The following LINGO2 variants were observed in gnomAD, a reference collection of about 807,000 sequenced individuals.
The protein encoded by LINGO2 is leucine-rich repeat and immunoglobulin-like domain-containing nogo receptor-interacting protein 2.
A neutral mutation model predicts 30.6 loss-of-function variants in LINGO2; 14 were observed. The ratio of observed to expected loss-of-function variants is 0.46; its 90% CI spans 0.30 to 0.72. The LOEUF (loss-of-function observed/expected upper bound fraction) is 0.72. Ranked by LOEUF, LINGO2 falls within the 30% of genes least tolerant of loss-of-function variation. The probability of loss-of-function intolerance (pLI) is 0.07; values close to 1 mark genes in which losing one functional copy is unlikely to be tolerated. For missense variants in LINGO2, 729 were observed against 751.7 expected, an observed-to-expected ratio of 0.97 and a Z score of 0.35; for synonymous variants, 317 against 288.5, an observed-to-expected ratio of 1.10 and a Z score of -1.00.
chr9:28,682,900 A>T, the LINGO2 span, among the ~76,000 whole-genome samples: 4 of 152,132 alleles, frequency 2.6e-5, no homozygotes, highest in African/African-American at 9.6e-5. Flanking sequence ...AAAACACAGG[A>T]ATTGAAAAGA....
At chr9:29,040,803 A>G in the LINGO2 span, among the ~76,000 whole-genome samples, 1 of 152,006 alleles carries the variant, frequency 6.6e-6, no homozygotes, top group African/African-American at 2.4e-5. Context: ...TTAATTTTCA[A>G]TTAGTTTATA....
chr9:28,154,526 G>T (rs1008254009), intron 4 of LINGO2, among the ~76,000 whole-genome samples: 10 of 152,104 alleles, frequency 6.6e-5, no homozygotes, highest in African/African-American at 1.9e-4. Context: ...TCCTGTAATG[G>T]AGGAAATGAG....
At chr9:28,333,230 A>T (rs1825483256) in intron 3 of LINGO2, among the ~76,000 whole-genome samples, 1 of 152,204 alleles carries the variant, frequency 6.6e-6, no homozygotes, top group Non-Finnish European at 1.5e-5. Flanking sequence ...AGATACTTAC[A>T]TTTGGGAACA....
chr9:28,859,236 C>A, the LINGO2 span, among the ~76,000 whole-genome samples: 3 of 152,102 alleles, frequency 2.0e-5, no homozygotes, highest in South Asian at 4.1e-4. Context: ...TAGTTTACTT[C>A]TTTAATTATT....
the LINGO2 span, among the ~76,000 whole-genome samples, chr9:28,902,783 A>G: frequency 6.6e-6 from 1 of 152,164 alleles, no homozygotes; most frequent in Non-Finnish European, 1.5e-5. Context: ...TGAACAAAAA[A>G]TGAGTCAACA....
chr9:29,167,455 T>C, the LINGO2 span, among the ~76,000 whole-genome samples: 490 of 152,158 alleles, frequency 3.2e-3, 6 homozygotes, highest in African/African-American at 0.011. Context: ...AGAACCAAAG[T>C]CTTGTGAGCT....
chr9:28,883,158 T>G, the LINGO2 span, among the ~76,000 whole-genome samples: 488 of 152,256 alleles, frequency 3.2e-3, 2 homozygotes, highest in African/African-American at 0.011. Flanking sequence ...TCACTCTCTG[T>G]GCTCTGGTCA....
chr9:28,327,713 G>T (rs112507333), intron 3 of LINGO2, among the ~76,000 whole-genome samples: 2,775 of 152,230 alleles, frequency 0.018, 79 homozygotes, highest in African/African-American at 0.063. Context: ...GCTTTGTATG[G>T]CAATAAAACA....
At chr9:28,380,110 T>A (rs1225378600) in intron 2 of LINGO2, among the ~76,000 whole-genome samples, 1 of 152,064 alleles carries the variant, frequency 6.6e-6, no homozygotes, top group Non-Finnish European at 1.5e-5. Flanking sequence ...CACACATATT[T>A]ACAGCTGAAC....
chr9:28,020,699 T>C (rs62556468), intron 4 of LINGO2, among the ~76,000 whole-genome samples: 2,144 of 152,302 alleles, frequency 0.014, 29 homozygotes, highest in Non-Finnish European at 0.022. Context: ...TGAAAGGTAA[T>C]TATTGATTCA....
At chr9:29,157,882 C>T in the LINGO2 span, among the ~76,000 whole-genome samples, 22 of 152,006 alleles carry the variant, frequency 1.4e-4, no homozygotes, top group African/African-American at 5.3e-4. Flanking sequence ...ACACTTACTC[C>T]CCTACAATAA....
At chr9:28,907,404 T>A in the LINGO2 span, among the ~76,000 whole-genome samples, 1 of 151,762 alleles carries the variant, frequency 6.6e-6, no homozygotes, top group Non-Finnish European at 1.5e-5. Flanking sequence ...GGTCTTTCAG[T>A]CTTAAAAATT....
At chr9:28,801,751 G>C in the LINGO2 span, among the ~76,000 whole-genome samples, 1 of 151,978 alleles carries the variant, frequency 6.6e-6, no homozygotes, top group Admixed American at 6.6e-5. Context: ...GGAGGATAAG[G>C]GTATGTTAGA....
At chr9:28,870,096 T>C in the LINGO2 span, among the ~76,000 whole-genome samples, 1 of 152,038 alleles carries the variant, frequency 6.6e-6, no homozygotes, top group African/African-American at 2.4e-5. Context: ...TACTTTATTT[T>C]CCCATTTGTA....
intron 5 of LINGO2, among the ~76,000 whole-genome samples, chr9:27,986,378 T>C (rs1335883226): frequency 6.6e-6 from 1 of 151,840 alleles, no homozygotes; most frequent in African/African-American, 2.4e-5. Context: ...AATTAGCACC[T>C]GTGACCCGTG....
At chr9:28,080,747 T>G (rs1587820865) in intron 4 of LINGO2, 1 of 152,334 alleles carries the variant, frequency 6.6e-6, no homozygotes, top group African/African-American at 2.4e-5. Context: ...AAATATTTGT[T>G]GAATGATGGA....
chr9:28,644,497 T>C (rs1243622951), intron 1 of LINGO2, among the ~76,000 whole-genome samples: 2 of 150,956 alleles, frequency 1.3e-5, no homozygotes, highest in African/African-American at 4.9e-5. Context: ...CATATACATA[T>C]AGAGTGGGAG....
chr9:28,755,031 C>T, the LINGO2 span, among the ~76,000 whole-genome samples: 5 of 151,914 alleles, frequency 3.3e-5, no homozygotes, highest in South Asian at 8.3e-4. Context: ...ATTAATGGCA[C>T]ATATGAAATT....
chr9:28,087,077 A>G (rs111500694), intron 4 of LINGO2, among the ~76,000 whole-genome samples: 137 of 152,242 alleles, frequency 9.0e-4, no homozygotes, highest in African/African-American at 3.0e-3. Flanking sequence ...GGACAAGTCC[A>G]GACTAGCTTT....
Sources: gnomAD v4.1 joint callset for allele counts (sites outside exome capture counted in the v4.1 genomes callset) on GRCh38, gnomAD v4.1.1 for gene constraint, MANE v1.5 for transcripts, NCBI Gene and HGNC (gene_info 2026-07-23, HGNC 2026-07-21) for gene names.